Variants in SEMA6A observed in about 807,000 individuals in gnomAD.
SEMA6A encodes the protein semaphorin 6A, also known as semaphorin-6A.
SEMA6A carries 25 observed loss-of-function variants against 96.8 expected under a neutral mutation model. The ratio of observed to expected loss-of-function variants is 0.26; its 90% CI spans 0.19 to 0.36. SEMA6A has a LOEUF of 0.36. Ranked by LOEUF, SEMA6A falls within the 10% of genes least tolerant of loss-of-function variation. The pLI is 1.00. For missense variants in SEMA6A, 1,363 were observed against 1,323.1 expected, an observed-to-expected ratio of 1.03 and a Z score of -0.47; for synonymous variants, 612 against 518.0, an observed-to-expected ratio of 1.18 and a Z score of -2.46.
At chr5:116,476,454 G>T (rs1456175384) in intron 15 of SEMA6A, among the ~76,000 whole-genome samples, 2 of 152,046 alleles carry the variant, frequency 1.3e-5, no homozygotes, top group African/African-American at 4.8e-5. Flanking sequence ...CACCGTGTTT[G>T]GTTTCTAATC....
At position 116,447,195 on chromosome 5, in the gene SEMA6A, C is replaced by G. The variant is rs375544490; in HGVS notation, c.2511G>C (p.Glu837Asp). The G allele has an allele frequency of 2.5e-6, 4 of 1,613,938 alleles. No homozygotes were observed. The highest frequency in any genetic ancestry group is 3.4e-6 in the Non-Finnish European group (4 of 1,179,902). Residue 837 changes from glutamate (E) to aspartate (D), a missense_variant, in exon 19 of 19, where the codon GAG becomes GAC. Transcript: ENST00000343348. Reference protein sequence around the residue: ...HEYVDQPKMSEVAQMALEDQA... With the variant: ...HEYVDQPKMSDVAQMALEDQA... ...GGTCCTCCAGCGCCATCTGGGCCAC[C>G]TCGCTCATTTTGGGCTGGTCCACGT...
At chr5:116,555,312 A>C (rs1263860659) in intron 1 of SEMA6A, among the ~76,000 whole-genome samples, 1 of 151,970 alleles carries the variant, frequency 6.6e-6, no homozygotes, top group Non-Finnish European at 1.5e-5. Flanking sequence ...TCCTCATTAC[A>C]CCTCAGTGAA....
At chr5:116,467,424 C>A (rs1755826472) in intron 18 of SEMA6A, among the ~76,000 whole-genome samples, 159 bp downstream of exon 18, 1 of 152,146 alleles carries the variant, frequency 6.6e-6, no homozygotes, top group South Asian at 2.1e-4. Context: ...TCAAGCCTCA[C>A]ATAGAGGATG....
chr5:116,552,195 C>T (rs1258165020), intron 1 of SEMA6A, among the ~76,000 whole-genome samples: 3 of 152,134 alleles, frequency 2.0e-5, no homozygotes, highest in Non-Finnish European at 4.4e-5. Flanking sequence ...TATTTACGGC[C>T]TAACGCTTCC....
intron 1 of SEMA6A, among the ~76,000 whole-genome samples, chr5:116,549,095 T>C (rs544953036): frequency 6.6e-6 from 1 of 152,232 alleles, no homozygotes; most frequent in African/African-American, 2.4e-5. Context: ...ACCTGATAAA[T>C]CATCTCTTAA....
chr5:116,490,125 A>G (rs546314992), intron 7 of SEMA6A, among the ~76,000 whole-genome samples: 18 of 152,312 alleles, frequency 1.2e-4, no homozygotes, highest in African/African-American at 4.3e-4. Flanking sequence ...TCTTAAAATA[A>G]TTAAAATTTG....
chr5:116,471,630 A>C (rs1756152614), intron 17 of SEMA6A: 1 of 152,180 alleles, frequency 6.6e-6, no homozygotes, highest in South Asian at 2.1e-4. Flanking sequence ...TAGATGAGGG[A>C]ACATTAAAGT....
chr5:116,530,653 T>C (rs1316341227), intron 1 of SEMA6A, among the ~76,000 whole-genome samples: 1 of 152,170 alleles, frequency 6.6e-6, no homozygotes, highest in African/African-American at 2.4e-5. Flanking sequence ...TAAAACTGTA[T>C]ACAGTTTTAT....
Position 116,467,575 on chromosome 5 carries a change from G to C in SEMA6A, c.1894+8C>G. On this transcript the variant is annotated splice_region_variant and intron_variant, in intron 18 of 18. Transcript: ENST00000343348. ...CCCCGAGAGGAAGAGGCATTTCCAA[G>C]GCCTTACCCTTCTTGTCTTGGTGAT... is the stretch of plus-strand genomic sequence containing the variant. 1.2e-6 allele frequency: 2 copies of C among 1,607,500 alleles called. No homozygotes were observed. Among genetic ancestry groups the C allele is most frequent in the Non-Finnish European group, 1.7e-6 (2 of 1,176,936 alleles).
chr5:116,547,284 A>T (rs1204123130), intron 1 of SEMA6A, among the ~76,000 whole-genome samples: 1 of 152,196 alleles, frequency 6.6e-6, no homozygotes, highest in Non-Finnish European at 1.5e-5. Context: ...AATTTTATGG[A>T]AATCTTTGCT....
Position 116,564,008 on chromosome 5 carries a change from A to G in SEMA6A, c.-39+10177T>C, listed in dbSNP as rs550749684. 5.8e-4 allele frequency among the ~76,000 whole-genome samples: 89 copies of G among 152,358 alleles called. 1 individual carries two copies. Among genetic ancestry groups the G allele is most frequent in the Non-Finnish European group, 1.0e-3 (70 of 68,040 alleles). The stretch of plus-strand genomic sequence containing the variant: ...GCTGTGACACTTAAAGTGTTTCTCC[A>G]CAAGAAATTCCGGTGCCTAGAAGCC... On this transcript the variant is annotated intron_variant, in intron 1 of 18. Coordinates refer to ENST00000343348, the MANE Select transcript of SEMA6A (RefSeq NM_020796.5).
intron 1 of SEMA6A, chr5:116,536,356 A>C (rs138139806): frequency 2.1e-4 from 32 of 152,286 alleles, no homozygotes; most frequent in African/African-American, 7.5e-4. Flanking sequence ...GCTGGTTTTA[A>C]ATAGATGAAG....
chr5:116,537,924 C>G (rs1369174833), intron 1 of SEMA6A, among the ~76,000 whole-genome samples: 1 of 152,152 alleles, frequency 6.6e-6, no homozygotes, highest in African/African-American at 2.4e-5. Context: ...TGCCTATAAT[C>G]CCAGCACTTT....
chr5:116,569,382 G>T (rs1405746071), intron 1 of SEMA6A, among the ~76,000 whole-genome samples: 1 of 152,140 alleles, frequency 6.6e-6, no homozygotes, highest in Non-Finnish European at 1.5e-5. Context: ...CAAGCCCAAG[G>T]GGTGGAGGTC....
intron 7 of SEMA6A, 49 bp downstream of exon 7, chr5:116,491,691 G>T: frequency 7.1e-7 from 1 of 1,399,154 alleles, no homozygotes; most frequent in Non-Finnish European, 1.0e-6. Context: ...ACAGTGACAG[G>T]ATGAAACAAG....
At chr5:116,478,471 T>C in intron 13 of SEMA6A, 71 bp downstream of exon 13, 1 of 1,424,528 alleles carries the variant, frequency 7.0e-7, no homozygotes. Flanking sequence ...CGGTCATGAT[T>C]TTCTCTGAAT....
chr5:116,519,465 T>A (rs1381005652), intron 1 of SEMA6A, among the ~76,000 whole-genome samples: 1 of 152,128 alleles, frequency 6.6e-6, no homozygotes, highest in African/African-American at 2.4e-5. Flanking sequence ...CAGCTTTTGT[T>A]AGTAATTTTC....
intron 1 of SEMA6A, among the ~76,000 whole-genome samples, chr5:116,555,234 CTT>C (rs1165002053): frequency 6.6e-6 from 1 of 152,192 alleles, no homozygotes; most frequent in South Asian, 2.1e-4. Flanking sequence ...AAAATTAACT[CTT>C]GTTTGCTTGA....
At chr5:116,502,422 C>G (rs1757929925) in intron 2 of SEMA6A, 95 bp from the exon 3 acceptor site, 2 of 964,098 alleles carry the variant, frequency 2.1e-6, no homozygotes, top group African/African-American at 1.6e-5. Flanking sequence ...CAAAAGAAAC[C>G]CGTGTTTAAG....
Sources: allele counts gnomAD v4.1 joint callset (sites outside exome capture counted in the v4.1 genomes callset), GRCh38; gene constraint gnomAD v4.1.1; transcripts MANE v1.5; gene names NCBI Gene and HGNC (gene_info 2026-07-23, HGNC 2026-07-21).